CDH12: variants seen among roughly 807,000 people sequenced by gnomAD.
CDH12 encodes the protein cadherin 12, also known as cadherin-12.
Under a neutral mutation model 74.1 loss-of-function variants are expected in CDH12, and 41 were observed. That is an observed-to-expected ratio of 0.55 (90% CI 0.43 to 0.72). The LOEUF is 0.72. CDH12 is among the 30% of genes least tolerant of loss of function. The probability of loss-of-function intolerance (pLI) is 0.00; values close to 1 mark genes in which losing one functional copy is unlikely to be tolerated. For missense variants in CDH12, 945 were observed against 977.2 expected (o/e 0.97, Z 0.44); for synonymous variants, 399 against 355.0 (o/e 1.12, Z -1.39).
At chr5:22,325,806 G>T (rs547061789) in intron 3 of CDH12, among the ~76,000 whole-genome samples, 1 of 152,100 alleles carries the variant, frequency 6.6e-6, no homozygotes, top group Non-Finnish European at 1.5e-5. Context: ...TGCTCGGGAG[G>T]CTGAGGCGGG....
At chr5:22,839,239 T>A (rs1391792536) in intron 1 of CDH12, among the ~76,000 whole-genome samples, 3 of 152,204 alleles carry the variant, frequency 2.0e-5, no homozygotes, top group East Asian at 3.8e-4. Context: ...ATTTACAATT[T>A]ATTTAAATGG....
chr5:22,540,920 C>T (rs879594963), intron 1 of CDH12, among the ~76,000 whole-genome samples: 3 of 152,150 alleles, frequency 2.0e-5, no homozygotes, highest in Non-Finnish European at 2.9e-5. Flanking sequence ...TAATTACCCA[C>T]ACCTGTCTCG....
At chr5:22,060,240 T>G (rs1354697404) in intron 5 of CDH12, among the ~76,000 whole-genome samples, 2 of 151,866 alleles carry the variant, frequency 1.3e-5, no homozygotes, top group Admixed American at 1.3e-4. Context: ...ATACCACATG[T>G]TCTCACTCAT....
chr5:21,969,906 T>C (rs888595011), intron 6 of CDH12, among the ~76,000 whole-genome samples: 2 of 152,094 alleles, frequency 1.3e-5, no homozygotes, highest in Admixed American at 6.6e-5. Context: ...ATATGCTTCA[T>C]TCATACATGA....
intron 3 of CDH12, among the ~76,000 whole-genome samples, chr5:22,274,357 A>C (rs1736528792): frequency 6.6e-6 from 1 of 152,168 alleles, no homozygotes; most frequent in Admixed American, 6.5e-5. Context: ...GAAAATTTTA[A>C]TCTAATTAAA....
chr5:22,733,309 T>G (rs1038085054), intron 1 of CDH12, among the ~76,000 whole-genome samples: 9 of 152,068 alleles, frequency 5.9e-5, no homozygotes, highest in South Asian at 2.1e-4. Context: ...TTCTTAATAT[T>G]TAGCTTACAT....
intron 1 of CDH12, among the ~76,000 whole-genome samples, chr5:22,772,042 G>A (rs929793277): frequency 3.3e-5 from 5 of 151,890 alleles, no homozygotes; most frequent in Admixed American, 6.6e-5. Flanking sequence ...AAATCACCCC[G>A]ATCTAACATA....
At chr5:22,637,529 C>G (rs1041630988) in intron 1 of CDH12, among the ~76,000 whole-genome samples, 3 of 152,230 alleles carry the variant, frequency 2.0e-5, no homozygotes, top group African/African-American at 4.8e-5. Context: ...GACAAAAGTA[C>G]TCCTTTTCAC....
chr5:22,357,519 T>C (rs1044497412), intron 3 of CDH12, among the ~76,000 whole-genome samples: 2 of 152,098 alleles, frequency 1.3e-5, no homozygotes, highest in Non-Finnish European at 2.9e-5. Flanking sequence ...ATCTACCTAA[T>C]GAAGGAATGG....
intron 1 of CDH12, among the ~76,000 whole-genome samples, chr5:22,549,305 C>A (rs13357223): frequency 0.16 from 24,699 of 151,860 alleles, 2,590 homozygotes; most frequent in East Asian, 0.37. Context: ...ACTTTTGTGC[C>A]ACTCAGCCCA....
Position 22,203,683 on chromosome 5 carries a change from A to G in CDH12, c.-187+8815T>C, listed in dbSNP as rs558413878. 2.6e-5 allele frequency among the ~76,000 whole-genome samples: 4 copies of G among 152,276 alleles called. No homozygotes were observed. The East Asian group carries it at 5.8e-4, about 22-fold the overall frequency. On this transcript the variant is annotated intron_variant, in intron 4 of 14. Transcript: ENST00000382254. ...GAGAAACCTTCCTACTCTTGCCTATAATGACTGTACTAGTTTACATTCTCA... is the reference window on the plus strand; with the variant it reads ...GAGAAACCTTCCTACTCTTGCCTATGATGACTGTACTAGTTTACATTCTCA...
intron 2 of CDH12, among the ~76,000 whole-genome samples, chr5:22,482,170 C>A (rs1261717975): frequency 1.3e-5 from 2 of 151,994 alleles, no homozygotes; most frequent in South Asian, 4.1e-4. Context: ...AACTAAGAGT[C>A]CTAATTTTAT....
chr5:21,956,349 G>A (rs1756095737), intron 6 of CDH12, among the ~76,000 whole-genome samples: 1 of 151,682 alleles, frequency 6.6e-6, no homozygotes, highest in African/African-American at 2.4e-5. Context: ...TTAATAAACT[G>A]GAAATTTGAC....
chr5:22,561,687 GC>G (rs1384531960), intron 1 of CDH12, among the ~76,000 whole-genome samples: 6 of 152,020 alleles, frequency 3.9e-5, no homozygotes, highest in Non-Finnish European at 8.8e-5. Context: ...AGCATTTTTT[GC>G]CAGAGGAAAC....
chr5:22,542,056 G>A (rs1033155681), intron 1 of CDH12, among the ~76,000 whole-genome samples: 3 of 152,116 alleles, frequency 2.0e-5, no homozygotes, highest in Non-Finnish European at 4.4e-5. Context: ...TTTTAAATAG[G>A]TACATGCATT....
chr5:22,409,527 A>G (rs3099025), intron 2 of CDH12, among the ~76,000 whole-genome samples: 57,834 of 151,810 alleles, frequency 0.38, 11,714 homozygotes, highest in Admixed American at 0.48. Context: ...TTGATTTGAA[A>G]AAAATACAGC....
chr5:21,951,916 C>T (rs969763403), intron 6 of CDH12, among the ~76,000 whole-genome samples: 2 of 152,106 alleles, frequency 1.3e-5, no homozygotes, highest in Non-Finnish European at 1.5e-5. Flanking sequence ...ACTTGAAAAG[C>T]TTTTGAATAG....
intron 5 of CDH12, among the ~76,000 whole-genome samples, chr5:22,001,872 A>G (rs1256930862): frequency 6.6e-6 from 1 of 152,088 alleles, no homozygotes; most frequent in Admixed American, 6.6e-5. Flanking sequence ...TGATGTTATC[A>G]TGGAGTTGCT....
chr5:22,791,563 A>C (rs1421426984), intron 1 of CDH12, among the ~76,000 whole-genome samples: 1 of 152,190 alleles, frequency 6.6e-6, no homozygotes, highest in Admixed American at 6.5e-5. Flanking sequence ...TGGACTCTTC[A>C]TTTTGTTCCA....
Sources: allele counts gnomAD v4.1 joint callset (sites outside exome capture counted in the v4.1 genomes callset), GRCh38; gene constraint gnomAD v4.1.1; transcripts MANE v1.5; gene names NCBI Gene and HGNC (gene_info 2026-07-23, HGNC 2026-07-21).